The following SBNO2 variants were observed in gnomAD, a reference collection of about 807,000 sequenced individuals.
The protein encoded by SBNO2 is protein strawberry notch homolog 2.
In SBNO2, 89 loss-of-function variants were observed where a neutral mutation model predicts 146.3. The ratio of observed to expected loss-of-function variants is 0.61; its 90% CI spans 0.51 to 0.73. The LOEUF is 0.73. Among genes scored for constraint, SBNO2 ranks in the 30% least tolerant of loss-of-function variants. SBNO2 has a pLI of 0.00. For missense variants in SBNO2, 2,092 were observed against 2,003.7 expected (o/e 1.04, Z -0.84); for synonymous variants, 1,147 against 892.6 (o/e 1.29, Z -5.08).
chr19:1,162,684 C>G (rs956487690), intron 1 of SBNO2, among the ~76,000 whole-genome samples: 5 of 152,194 alleles, frequency 3.3e-5, no homozygotes, highest in African/African-American at 1.2e-4. Context: ...AGAGGCCTTC[C>G]TGACCTTCAA....
At chr19:1,145,284 T>C (rs915722610) in intron 4 of SBNO2, among the ~76,000 whole-genome samples, 2 of 135,444 alleles carry the variant, frequency 1.5e-5, no homozygotes, top group African/African-American at 5.8e-5. Context: ...CTGACCAACA[T>C]GGAGAAACCC....
In SBNO2 at chr19:1,144,104, G is replaced by A. The variant is rs1220127784; in HGVS notation, c.279+3205C>T. 2.0e-5 allele frequency among the ~76,000 whole-genome samples: 3 copies of A among 152,134 alleles called. No individual in the cohort carries two copies. The highest frequency in any genetic ancestry group is 4.4e-5 in the Non-Finnish European group (3 of 68,014). ...CCTTCCTGGCTCCGCAGAACCACGCGGCCCAGCCCACAGGCCTGGGCTGAC... is the reference window on the plus strand; with the variant it reads ...CCTTCCTGGCTCCGCAGAACCACGCAGCCCAGCCCACAGGCCTGGGCTGAC... On this transcript the variant is annotated intron_variant, in intron 4 of 31. Transcript: ENST00000361757. The surrounding 1 kb of genome is among the most constrained non-coding windows in gnomAD (Gnocchi z 4.1).
rs565630639 is a variant in SBNO2, at chr19:1,144,728, G to T, written c.279+2581C>A. Among the ~76,000 whole-genome samples, 30 of 147,054 alleles carry T rather than the reference G, an allele frequency of 2.0e-4. No individual in the cohort carries two copies. The highest frequency in any genetic ancestry group is 7.2e-4 in the African/African-American group (28 of 38,874). ...GGGAAACAGACACAGAGGCAGAGAG[G>T]GAGACAAAGAGACAGGTGGAGAGGG... On this transcript the variant is annotated intron_variant, in intron 4 of 31. Coordinates refer to ENST00000361757, the MANE Select transcript of SBNO2 (RefSeq NM_014963.3). This position sits in a 1 kb window ranked among gnomAD's most constrained non-coding sequence, Gnocchi z 4.1.
chr19:1,108,710 G>A lies in SBNO2; in HGVS notation c.3617-6C>T, dbSNP rs765769914. 5 of 1,556,650 alleles carry A rather than the reference G, an allele frequency of 3.2e-6. No homozygotes were observed. In the African/African-American group the frequency reaches 4.1e-5, roughly 13 times the overall value. On this transcript the variant is annotated splice_region_variant and splice_polypyrimidine_tract_variant and intron_variant, in intron 31 of 31. Coordinates refer to ENST00000361757, the MANE Select transcript of SBNO2 (RefSeq NM_014963.3). ...GCCCTCGGGGATCTTGATGCCTGCG[G>A]GCAGAGCGTCGGGGTCAGGGCCGGC...
intron 17 of SBNO2, chr19:1,115,791 C>T (rs976320277): frequency 5.1e-6 from 3 of 591,100 alleles, no homozygotes; most frequent in Non-Finnish European, 9.1e-6. Flanking sequence ...TCGGCACCCA[C>T]GTCTGTGTCC....
chr19:1,118,282 G>A lies in SBNO2; in HGVS notation c.1527+729C>T, dbSNP rs148456600. On this transcript the variant is annotated intron_variant, in intron 14 of 31. Coordinates refer to ENST00000361757, the MANE Select transcript of SBNO2 (RefSeq NM_014963.3). ...GAATCTGGTAGGCGGAGGTTGCGGT[G>A]AGCCAAGATCGTGCCATTGCACTCC... Among the ~76,000 whole-genome samples the A allele has an allele frequency of 2.0e-5, 3 of 152,198 alleles. No homozygotes were observed. The East Asian group carries it at 5.8e-4, about 29-fold the overall frequency.
chr19:1,157,381 G>A lies in SBNO2; in HGVS notation c.-126-2979C>T, dbSNP rs549959251. 4.2e-5 allele frequency among the ~76,000 whole-genome samples: 6 copies of A among 141,240 alleles called. No individual in the cohort carries two copies. The highest frequency in any genetic ancestry group is 2.3e-4 in the South Asian group (1 of 4,296). 92.7% of individuals were successfully genotyped at this position (141,240 alleles called of 152,430 possible). On this transcript the variant is annotated intron_variant, in intron 1 of 31. Transcript: ENST00000361757. The surrounding 1 kb of genome is among the most constrained non-coding windows in gnomAD (Gnocchi z 6.8). The stretch of plus-strand genomic sequence containing the variant: ...CGCGGCCCCGGAGACCCTCTGCCAC[G>A]CAGCCCCGGAGACGCTCTCCCCACG...
intron 4 of SBNO2, among the ~76,000 whole-genome samples, chr19:1,134,574 A>G (rs75063627): frequency 0.027 from 4,057 of 152,218 alleles, 81 homozygotes; most frequent in African/African-American, 0.051. Flanking sequence ...GGCCATTTCT[A>G]TGAAATGTCC....
intron 1 of SBNO2, among the ~76,000 whole-genome samples, chr19:1,161,925 G>GGGGGGC (rs2080350834): frequency 2.1e-5 from 1 of 46,582 alleles, no homozygotes; most frequent in Non-Finnish European, 4.3e-5. Context: ...GGGGGGGGGG[G>GGGGGGC]TTGGGCCAGG....
At chr19:1,138,593 G>A (rs2145273169) in intron 4 of SBNO2, among the ~76,000 whole-genome samples, 1 of 152,198 alleles carries the variant, frequency 6.6e-6, no homozygotes, top group African/African-American at 2.4e-5. Context: ...ACTCACGACG[G>A]CCACGGGTGG....
rs571064195 is a variant in SBNO2, at chr19:1,140,559, T to C, written c.279+6750A>G. Among the ~76,000 whole-genome samples, 59 of 149,876 alleles carry C rather than the reference T, an allele frequency of 3.9e-4. No individual in the cohort carries two copies. Among genetic ancestry groups the C allele is most frequent in the African/African-American group, 1.4e-3 (56 of 40,654 alleles). On this transcript the variant is annotated intron_variant, in intron 4 of 31. Transcript: ENST00000361757. This position sits in a 1 kb window ranked among gnomAD's most constrained non-coding sequence, Gnocchi z 4.4. ...ACCGCGGGAGCCCCGCAGCCCACGG[T>C]GGATGCCAGCAGCGGCATCCTGGCG...
rs1325677579 is a variant in SBNO2 at position 1,173,380 on chromosome 19, C to T, written c.-127+792G>A. Among the ~76,000 whole-genome samples the T allele has an allele frequency of 1.3e-5, 2 of 152,204 alleles. No individual in the cohort carries two copies. The highest frequency in any genetic ancestry group is 2.9e-5 in the Non-Finnish European group (2 of 68,026). On this transcript the variant is annotated intron_variant, in intron 1 of 31. Transcript: ENST00000361757. The surrounding 1 kb of genome is among the most constrained non-coding windows in gnomAD (Gnocchi z 4.7). Reference sequence around the variant, plus strand: ...CACCCCCAACACGCTCTGCAGACTCCGCCCAGACGGCCCCGGGGTCACCTA... The same window carrying T: ...CACCCCCAACACGCTCTGCAGACTCTGCCCAGACGGCCCCGGGGTCACCTA...
At chr19:1,114,102 C>T in intron 18 of SBNO2, 129 bp downstream of exon 18, 1 of 828,060 alleles carries the variant, frequency 1.2e-6, no homozygotes. Flanking sequence ...AGGGCTACAA[C>T]CTGGGGTGGG....
chr19:1,149,033 C>T (rs529157928), intron 3 of SBNO2, among the ~76,000 whole-genome samples: 67 of 43,028 alleles, frequency 1.6e-3, no homozygotes, highest in Middle Eastern at 6.3e-3. Flanking sequence ...CCCCTTCCCA[C>T]CCTCCTTCAC....
At chr19:1,139,594 A>G (rs1195030463) in intron 4 of SBNO2, among the ~76,000 whole-genome samples, 2 of 152,142 alleles carry the variant, frequency 1.3e-5, no homozygotes, top group Non-Finnish European at 2.9e-5. Context: ...CACGAGTTTG[A>G]GACCACCCTG....
chr19:1,125,735 G>A (rs916391262), intron 5 of SBNO2, among the ~76,000 whole-genome samples: 7 of 151,852 alleles, frequency 4.6e-5, no homozygotes, highest in African/African-American at 1.7e-4. Context: ...CGGGTGCGTG[G>A]CTCAGGCCTG....
At chr19:1,165,666 C>T (rs1230775477) in intron 1 of SBNO2, among the ~76,000 whole-genome samples, 2 of 140,494 alleles carry the variant, frequency 1.4e-5, no homozygotes, top group South Asian at 2.5e-4. Context: ...ATCCCAGACC[C>T]CAGACCCCAG....
Position 1,158,858 on chromosome 19 carries a change from C to T in SBNO2, c.-126-4456G>A, listed in dbSNP as rs138029785. The stretch of plus-strand genomic sequence containing the variant: ...CTTGCGGCCTCCGGTGACCTCACAG[C>T]CGTGATGGCCTCCTGCAGCTGTGAC... On this transcript the variant is annotated intron_variant, in intron 1 of 31. Transcript: ENST00000361757. This position sits in a 1 kb window ranked among gnomAD's most constrained non-coding sequence, Gnocchi z 9.9. Among the ~76,000 whole-genome samples the T allele has an allele frequency of 4.0e-3, 603 of 152,252 alleles. 7 individuals are homozygous for T. Among genetic ancestry groups the T allele is most frequent in the African/African-American group, 0.014 (574 of 41,514 alleles).
In SBNO2 at chr19:1,147,333, T is replaced by C. The variant is rs1024035397; in HGVS notation, c.255A>G (p.Pro85=). The change falls in exon 4 of 32, where the codon CCA becomes CCG. Residue 85 remains proline, a synonymous_variant. Transcript: ENST00000361757. ...CCTGAGCAAAGTCGCAGGTCTTTGGTGGCAAGCTGGAGGCGGTGGCCACGG... is the reference window on the plus strand; with the variant it reads ...CCTGAGCAAAGTCGCAGGTCTTTGGCGGCAAGCTGGAGGCGGTGGCCACGG... ...YAPVATASSL[P]PKTCDFAQDS... 2.6e-6 allele frequency: 4 copies of C among 1,555,966 alleles called. No homozygotes were observed. The highest frequency in any genetic ancestry group is 2.6e-6 in the Non-Finnish European group (3 of 1,155,546).
Sources: allele counts gnomAD v4.1 joint callset (sites outside exome capture counted in the v4.1 genomes callset), GRCh38; gene constraint gnomAD v4.1.1; non-coding constraint Gnocchi (gnomAD v3.1); transcripts MANE v1.5; gene names NCBI Gene and HGNC (gene_info 2026-07-23, HGNC 2026-07-21).